Variants in DLG1 observed in about 807,000 individuals in gnomAD.
The protein encoded by DLG1 is discs large MAGUK scaffold protein 1.
In DLG1, 42 loss-of-function variants were observed where a neutral mutation model predicts 123.4. That is an observed-to-expected ratio of 0.34 (90% CI 0.27 to 0.44). The LOEUF is 0.44. DLG1 is among the 20% of genes least tolerant of loss of function. The probability of loss-of-function intolerance (pLI) is 1.00; values close to 1 mark genes in which losing one functional copy is unlikely to be tolerated. For synonymous variants in DLG1, 317 were observed against 356.2 expected, an observed-to-expected ratio of 0.89 and a Z score of 1.24; for missense variants, 942 against 1,082.6, an observed-to-expected ratio of 0.87 and a Z score of 1.82.
chr3:197,067,551 GTTTTT>G (rs199907948), intron 19 of DLG1, among the ~76,000 whole-genome samples: 3 of 107,378 alleles, frequency 2.8e-5, no homozygotes, highest in Non-Finnish European at 5.4e-5. Context: ...AACTCTGAGA[GTTTTT>G]TTTTTTTTTT....
At chr3:197,187,791 A>C (rs1332520612) in intron 5 of DLG1, among the ~76,000 whole-genome samples, 1 of 152,182 alleles carries the variant, frequency 6.6e-6, no homozygotes, top group Non-Finnish European at 1.5e-5. Context: ...GAACCTTGAC[A>C]CTACTCTTAC....
rs114612802 is a variant in DLG1, at chr3:197,088,056, A to T, written c.1662-2300T>A. Among the ~76,000 whole-genome samples the T allele has an allele frequency of 9.9e-4, 150 of 152,284 alleles. 1 individual carries two copies. The highest frequency in any genetic ancestry group is 2.1e-3 in the Non-Finnish European group (140 of 68,010). On this transcript the variant is annotated intron_variant, in intron 15 of 24. Transcript: ENST00000667157. Reference sequence around the variant, plus strand: ...AGGAGACAGGGATTCTTCTCTAAGGATATTTAATTATAGAAAAGAACAGAA... The same window carrying T: ...AGGAGACAGGGATTCTTCTCTAAGGTTATTTAATTATAGAAAAGAACAGAA...
chr3:197,075,513 T>G (rs576589090), intron 18 of DLG1, among the ~76,000 whole-genome samples: 1 of 151,940 alleles, frequency 6.6e-6, no homozygotes, highest in Admixed American at 6.6e-5. Context: ...ATTCTAATAA[T>G]GAGGGTACAT....
intron 24 of DLG1, 39 bp from the exon 25 acceptor site, chr3:197,044,768 T>C (rs1296961991): frequency 1.5e-6 from 2 of 1,300,106 alleles, no homozygotes; most frequent in African/African-American, 3.0e-5. Context: ...CTCCATTAAT[T>C]GTCTATTTTT....
intron 3 of DLG1, among the ~76,000 whole-genome samples, chr3:197,290,897 TAAAAA>T (rs34807556): frequency 2.3e-5 from 2 of 87,970 alleles, no homozygotes; most frequent in African/African-American, 5.1e-5. Flanking sequence ...CTCCAAATAG[TAAAAA>T]AAAAAAAAAA....
chr3:197,276,296 CA>C (rs1766391849), intron 4 of DLG1, among the ~76,000 whole-genome samples: 1 of 152,194 alleles, frequency 6.6e-6, no homozygotes, highest in South Asian at 2.1e-4. Flanking sequence ...CATCCCTGTA[CA>C]AATACCTTCA....
chr3:197,158,393 C>T (rs1167811408), intron 5 of DLG1, among the ~76,000 whole-genome samples: 4 of 149,470 alleles, frequency 2.7e-5, no homozygotes, highest in South Asian at 4.2e-4. Flanking sequence ...GAGGCCGAGG[C>T]AGGCGGACTA....
chr3:197,229,070 G>A (rs922128315), intron 4 of DLG1, among the ~76,000 whole-genome samples: 10 of 152,106 alleles, frequency 6.6e-5, no homozygotes, highest in Admixed American at 2.0e-4. Flanking sequence ...AAGAGTCTAC[G>A]GGCATCTAGT....
intron 4 of DLG1, among the ~76,000 whole-genome samples, chr3:197,230,082 T>C (rs1029017562): frequency 6.6e-6 from 1 of 152,184 alleles, no homozygotes; most frequent in Admixed American, 6.5e-5. Context: ...TTCTACCTGC[T>C]AGAATGACAA....
chr3:197,145,193 G>A (rs1015258050), intron 6 of DLG1, among the ~76,000 whole-genome samples: 1 of 152,200 alleles, frequency 6.6e-6, no homozygotes, highest in Non-Finnish European at 1.5e-5. Context: ...CCTTTGTTAC[G>A]AGTAAAATTT....
At chr3:197,257,268 A>T (rs949346790) in intron 4 of DLG1, among the ~76,000 whole-genome samples, 13 of 152,170 alleles carry the variant, frequency 8.5e-5, no homozygotes, top group African/African-American at 2.4e-4. Flanking sequence ...CAAATTTTGT[A>T]TTCATAATTC....
At chr3:197,156,282 C>A (rs1796380567) in intron 5 of DLG1, among the ~76,000 whole-genome samples, 1 of 151,692 alleles carries the variant, frequency 6.6e-6, no homozygotes, top group Admixed American at 6.6e-5. Context: ...CCCATGGTAA[C>A]CACACAAAAT....
At chr3:197,125,478 T>G (rs1282977071) in intron 11 of DLG1, among the ~76,000 whole-genome samples, 1 of 152,022 alleles carries the variant, frequency 6.6e-6, no homozygotes, top group African/African-American at 2.4e-5. Context: ...GAATCTAAGC[T>G]AATACAAATA....
chr3:197,296,364 G>A lies in DLG1; in HGVS notation c.133C>T (p.Leu45Phe), dbSNP rs753180157. Residue 45 changes from leucine to phenylalanine, a missense_variant, in exon 3 of 25, where the codon CTC becomes TTC. Coordinates refer to ENST00000667157, the MANE Select transcript of DLG1 (RefSeq NM_001366207.1). Reference sequence around the variant, plus strand: ...TTCCCACCTATTAAAGCCTGAAAGAGGTTGCTCTGAAATATGTTAATAACC... The same window carrying A: ...TTCCCACCTATTAAAGCCTGAAAGAAGTTGCTCTGAAATATGTTAATAACC... Reference protein sequence around the residue: ...ERVINIFQSNLFQALIDIQEF... With the variant: ...ERVINIFQSNFFQALIDIQEF... 6.2e-7 allele frequency: 1 copy of A among 1,613,464 alleles called. No individual in the cohort carries two copies. Among genetic ancestry groups the A allele is most frequent in the Non-Finnish European group, 8.5e-7 (1 of 1,179,646 alleles).
At chr3:197,049,583 T>C (rs899229222) in intron 24 of DLG1, among the ~76,000 whole-genome samples, 1 of 151,936 alleles carries the variant, frequency 6.6e-6, no homozygotes, top group African/African-American at 2.4e-5. Context: ...GGAAACCCCA[T>C]CTCTACTAAA....
At position 197,249,834 on chromosome 3, in the gene DLG1, G is replaced by T. The variant is rs906092508; in HGVS notation, c.318+32845C>A. Among the ~76,000 whole-genome samples the T allele has an allele frequency of 5.9e-5, 9 of 152,054 alleles. No homozygotes were observed. In the East Asian group the frequency reaches 1.5e-3, roughly 26 times the overall value. On this transcript the variant is annotated intron_variant, in intron 4 of 24. Coordinates refer to ENST00000667157, the MANE Select transcript of DLG1 (RefSeq NM_001366207.1). Reference sequence around the variant, plus strand: ...AAAAACCATGATTATTTCAATAGATGCCAAAAAAGCACTTGATAAAATTCA... The same window carrying T: ...AAAAACCATGATTATTTCAATAGATTCCAAAAAAGCACTTGATAAAATTCA...
chr3:197,187,213 A>C lies in DLG1; in HGVS notation c.483+7212T>G, dbSNP rs767928824. On this transcript the variant is annotated intron_variant, in intron 5 of 24. Transcript: ENST00000667157. The stretch of plus-strand genomic sequence containing the variant: ...AACTATATGCTCACCTTAGTATACC[A>C]GGTCCATGATAAAATTCAATCATGT... 3.9e-5 allele frequency among the ~76,000 whole-genome samples: 6 copies of C among 152,198 alleles called. No individual in the cohort carries two copies. The South Asian group carries it at 8.3e-4, about 21-fold the overall frequency.
At chr3:197,094,068 A>G (rs540895868) in intron 14 of DLG1, among the ~76,000 whole-genome samples, 1 of 152,306 alleles carries the variant, frequency 6.6e-6, no homozygotes, top group African/African-American at 2.4e-5. Context: ...CATACTGCAG[A>G]GGTCACATGA....
intron 6 of DLG1, among the ~76,000 whole-genome samples, chr3:197,145,975 CA>C (rs1790569719): frequency 6.6e-6 from 1 of 151,394 alleles, no homozygotes; most frequent in South Asian, 2.1e-4. Context: ...GGGCAACAAA[CA>C]GAGTGAGACA....
Sources: allele counts gnomAD v4.1 joint callset (sites outside exome capture counted in the v4.1 genomes callset), GRCh38; gene constraint gnomAD v4.1.1; transcripts MANE v1.5; gene names NCBI Gene and HGNC (gene_info 2026-07-23, HGNC 2026-07-21).